ZHX2: variants seen among roughly 807,000 people sequenced by gnomAD.
The protein encoded by ZHX2 is zinc fingers and homeoboxes 2.
A neutral mutation model predicts 21.9 loss-of-function variants in ZHX2; 6 were observed. The observed-to-expected ratio is 0.27, with a 90% CI of 0.15 to 0.54. ZHX2 has a LOEUF of 0.54. Among genes scored for constraint, ZHX2 ranks in the 20% least tolerant of loss-of-function variants. The pLI is 0.95. For synonymous variants in ZHX2, 434 were observed against 437.1 expected (o/e 0.99, Z 0.09); for missense variants, 908 against 1,090.7 (o/e 0.83, Z 2.36).
At chr8:122,937,534 G>A (rs1459400875) in intron 2 of ZHX2, among the ~76,000 whole-genome samples, 1 of 152,064 alleles carries the variant, frequency 6.6e-6, no homozygotes, top group Non-Finnish European at 1.5e-5. Context: ...CTCCTGGTGG[G>A]GATAAGTGAG....
intron 1 of ZHX2, among the ~76,000 whole-genome samples, chr8:122,846,261 A>T (rs538592425): frequency 6.6e-6 from 1 of 152,210 alleles, no homozygotes; most frequent in African/African-American, 2.4e-5. Flanking sequence ...CAAACTTGTC[A>T]GGTTACAGTG....
chr8:122,818,427 C>A (rs762406383), intron 1 of ZHX2, among the ~76,000 whole-genome samples: 53 of 152,144 alleles, frequency 3.5e-4, no homozygotes, highest in Non-Finnish European at 8.8e-5. Context: ...TAGTCTCAAT[C>A]AGACCCGGTC....
intron 1 of ZHX2, among the ~76,000 whole-genome samples, chr8:122,817,645 C>T (rs902595976): frequency 1.2e-4 from 19 of 152,362 alleles, no homozygotes; most frequent in African/African-American, 4.6e-4. Context: ...CCAGATGATC[C>T]TGCACACTAA....
chr8:122,965,826 G>A (rs1281385332), intron 3 of ZHX2, among the ~76,000 whole-genome samples: 1 of 151,976 alleles, frequency 6.6e-6, no homozygotes, highest in Non-Finnish European at 1.5e-5. Context: ...AAATTTGGGA[G>A]CTCTAGTACT....
At chr8:122,834,444 C>T (rs1004619821) in intron 1 of ZHX2, among the ~76,000 whole-genome samples, 1 of 152,192 alleles carries the variant, frequency 6.6e-6, no homozygotes, top group African/African-American at 2.4e-5. Flanking sequence ...CCTTCATTGC[C>T]GCACTTGAAA....
intron 1 of ZHX2, among the ~76,000 whole-genome samples, chr8:122,850,988 G>C (rs1190305019): frequency 6.6e-6 from 1 of 152,074 alleles, no homozygotes; most frequent in Non-Finnish European, 1.5e-5. Context: ...CATTTGCGCT[G>C]GCTGTGTTCT....
chr8:122,885,518 C>A (rs1338530785), intron 2 of ZHX2, among the ~76,000 whole-genome samples: 1 of 151,970 alleles, frequency 6.6e-6, no homozygotes, highest in Non-Finnish European at 1.5e-5. Context: ...AAGTTCTCAT[C>A]ATAACAGCAC....
chr8:122,832,434 AG>A (rs1185908691), intron 1 of ZHX2, among the ~76,000 whole-genome samples: 2 of 152,158 alleles, frequency 1.3e-5, no homozygotes, highest in East Asian at 3.9e-4. Flanking sequence ...AACAACCTGG[AG>A]GGTGGGTCCC....
chr8:122,805,804 T>C (rs865816957), intron 1 of ZHX2, among the ~76,000 whole-genome samples: 8 of 152,306 alleles, frequency 5.3e-5, no homozygotes, highest in South Asian at 4.1e-4. Context: ...CTCAACTCTG[T>C]CATTACTCCT....
chr8:122,945,451 A>G (rs1237225059), intron 2 of ZHX2, among the ~76,000 whole-genome samples: 1 of 151,252 alleles, frequency 6.6e-6, no homozygotes, highest in Non-Finnish European at 1.5e-5. Flanking sequence ...AAAAAAAAAA[A>G]AAAAAAAAAA....
intron 2 of ZHX2, among the ~76,000 whole-genome samples, chr8:122,903,385 T>C (rs1283237318): frequency 6.6e-6 from 1 of 152,216 alleles, no homozygotes; most frequent in Non-Finnish European, 1.5e-5. Flanking sequence ...CCCAGTCCTT[T>C]AATGAGTTTA....
At chr8:122,913,347 G>A (rs1001679448) in intron 2 of ZHX2, among the ~76,000 whole-genome samples, 19 of 152,208 alleles carry the variant, frequency 1.2e-4, no homozygotes, top group African/African-American at 4.6e-4. Flanking sequence ...ACAGGTTTTC[G>A]CATGGTAGGA....
intron 2 of ZHX2, among the ~76,000 whole-genome samples, chr8:122,866,724 A>G (rs1337414951): frequency 6.6e-6 from 1 of 152,256 alleles, no homozygotes; most frequent in South Asian, 2.1e-4. Context: ...TATCCAGGAA[A>G]GAGTATGCTG....
At chr8:122,875,668 C>T (rs111989273) in intron 2 of ZHX2, among the ~76,000 whole-genome samples, 1,952 of 152,358 alleles carry the variant, frequency 0.013, 41 homozygotes, top group African/African-American at 0.045. Context: ...CAATCCTCTG[C>T]GATAAGCATG....
At chr8:122,945,530 G>A (rs935728220) in intron 2 of ZHX2, among the ~76,000 whole-genome samples, 8 of 147,592 alleles carry the variant, frequency 5.4e-5, no homozygotes, top group African/African-American at 2.0e-4. Flanking sequence ...GGGTTTCTTT[G>A]AGGGGCATAG....
chr8:122,834,310 C>A (rs554460604), intron 1 of ZHX2, among the ~76,000 whole-genome samples: 1 of 152,336 alleles, frequency 6.6e-6, no homozygotes, highest in Non-Finnish European at 1.5e-5. Flanking sequence ...TTTTGGCCGG[C>A]TCCGGAAGGG....
chr8:122,961,032 G>A (rs1435141541), intron 3 of ZHX2, among the ~76,000 whole-genome samples: 1 of 152,206 alleles, frequency 6.6e-6, no homozygotes, highest in South Asian at 2.1e-4. Flanking sequence ...AATACTTACT[G>A]TATTAGTCAG....
intron 1 of ZHX2, among the ~76,000 whole-genome samples, chr8:122,784,053 C>T (rs1049554538): frequency 1.3e-5 from 2 of 152,200 alleles, no homozygotes; most frequent in Non-Finnish European, 2.9e-5. Flanking sequence ...CATCAGCTAT[C>T]TCAACTAATG....
intron 2 of ZHX2, among the ~76,000 whole-genome samples, chr8:122,921,422 A>T (rs1463148273): frequency 1.3e-5 from 2 of 152,094 alleles, no homozygotes; most frequent in African/African-American, 4.8e-5. Context: ...GACCACAGGG[A>T]TGAGCACTCC....
Sources: gnomAD v4.1 joint callset for allele counts (sites outside exome capture counted in the v4.1 genomes callset) on GRCh38, gnomAD v4.1.1 for gene constraint, MANE v1.5 for transcripts, NCBI Gene and HGNC (gene_info 2026-07-23, HGNC 2026-07-21) for gene names.